Variants in ABCA12 observed in about 807,000 individuals in gnomAD.
ABCA12 encodes the protein ATP binding cassette subfamily A member 12, also known as glucosylceramide transporter ABCA12.
A neutral mutation model predicts 293.5 loss-of-function variants in ABCA12; 156 were observed. That is an observed-to-expected ratio of 0.53 (90% CI 0.47 to 0.61). The LOEUF (loss-of-function observed/expected upper bound fraction) is 0.61. Among genes scored for constraint, ABCA12 ranks in the 20% least tolerant of loss-of-function variants. The probability of loss-of-function intolerance (pLI) is 0.00; values close to 1 mark genes in which losing one functional copy is unlikely to be tolerated. For missense variants in ABCA12, 2,797 were observed against 3,090.2 expected (o/e 0.91, Z 2.25); for synonymous variants, 1,063 against 1,108.0 (o/e 0.96, Z 0.81).
chr2:214,987,391 G>A (rs1283185067), intron 27 of ABCA12, among the ~76,000 whole-genome samples: 1 of 152,078 alleles, frequency 6.6e-6, no homozygotes, highest in Non-Finnish European at 1.5e-5. Flanking sequence ...TTCTCTGTGT[G>A]AGTCTAACTG....
chr2:214,948,848 T>C, intron 46 of ABCA12, 111 bp from the exon 47 acceptor site: 3 of 1,326,748 alleles, frequency 2.3e-6, no homozygotes, highest in Non-Finnish European at 3.2e-6. Context: ...GTGACTTTGA[T>C]AAAAAGGGAT....
At chr2:215,126,257 T>C (rs1282150543) in intron 1 of ABCA12, among the ~76,000 whole-genome samples, 2 of 152,132 alleles carry the variant, frequency 1.3e-5, no homozygotes, top group East Asian at 3.8e-4. Flanking sequence ...TGTAGTTTTG[T>C]TTTTTGCTCT....
intron 1 of ABCA12, among the ~76,000 whole-genome samples, chr2:215,112,489 TTTTTTTTG>T (rs1235044511): frequency 5.3e-5 from 1 of 18,726 alleles, no homozygotes; most frequent in Admixed American, 9.4e-4. Flanking sequence ...TTTTTTTGTT[TTTTTTTTG>T]TTTTTTTTTG....
At chr2:215,055,246 T>C in intron 3 of ABCA12, among the ~76,000 whole-genome samples, 1 of 152,150 alleles carries the variant, frequency 6.6e-6, no homozygotes, top group African/African-American at 2.4e-5. Context: ...AATTTTCCAT[T>C]GCATTGAATG....
intron 20 of ABCA12, among the ~76,000 whole-genome samples, 181 bp from the exon 21 acceptor site, chr2:215,001,918 C>A (rs957541307): frequency 1.3e-5 from 2 of 152,080 alleles, no homozygotes; most frequent in Non-Finnish European, 1.5e-5. Context: ...TGCAAATATT[C>A]ATTGAGGAGC....
intron 2 of ABCA12, among the ~76,000 whole-genome samples, chr2:215,096,218 T>G (rs531902255): frequency 6.6e-6 from 1 of 152,336 alleles, no homozygotes; most frequent in South Asian, 2.1e-4. Context: ...TGCTATCTTA[T>G]TAGTTTTATT....
chr2:214,937,355 T>A (rs1263597865), intron 51 of ABCA12, among the ~76,000 whole-genome samples, 155 bp downstream of exon 51: 1 of 152,120 alleles, frequency 6.6e-6, no homozygotes, highest in Admixed American at 6.6e-5. Context: ...TGTGCCACCA[T>A]GCCCAGCTAA....
At position 215,034,754 on chromosome 2, in the gene ABCA12, C is replaced by T. The variant is rs1332157924; in HGVS notation, c.985+2199G>A. 2.6e-5 allele frequency among the ~76,000 whole-genome samples: 4 copies of T among 152,198 alleles called. No individual in the cohort carries two copies. The East Asian group carries it at 7.7e-4, about 29-fold the overall frequency. On this transcript the variant is annotated intron_variant, in intron 8 of 52. Coordinates refer to ENST00000272895, the MANE Select transcript of ABCA12 (RefSeq NM_173076.3). ...CTTTGTCTATAAAATGGGATAATAA[C>T]TGTATCTCACAGAGTTATTTAGATG...
At chr2:215,106,481 G>T (rs77490340) in intron 2 of ABCA12, among the ~76,000 whole-genome samples, 1 of 152,106 alleles carries the variant, frequency 6.6e-6, no homozygotes, top group Non-Finnish European at 1.5e-5. Context: ...CCATCTGTCC[G>T]CAGGTATCTT....
chr2:215,028,265 G>C (rs994218421), intron 9 of ABCA12, among the ~76,000 whole-genome samples: 3 of 152,058 alleles, frequency 2.0e-5, no homozygotes, highest in Non-Finnish European at 4.4e-5. Context: ...GAAGACTCAG[G>C]GTGTTTAAAT....
intron 47 of ABCA12, 165 bp from the exon 48 acceptor site, chr2:214,947,721 A>T (rs1698627102): frequency 1.2e-6 from 1 of 811,794 alleles, no homozygotes; most frequent in East Asian, 2.7e-5. Context: ...ATTTTCAAAG[A>T]ATCACTTAAG....
intron 7 of ABCA12, among the ~76,000 whole-genome samples, chr2:215,045,289 T>G (rs565945094): frequency 5.9e-4 from 90 of 152,290 alleles, no homozygotes; most frequent in African/African-American, 2.1e-3. Flanking sequence ...CTGCAAAGGT[T>G]TTAAAATCTT....
chr2:215,053,485 G>C (rs1701358992), intron 4 of ABCA12, among the ~76,000 whole-genome samples: 1 of 152,026 alleles, frequency 6.6e-6, no homozygotes, highest in African/African-American at 2.4e-5. Context: ...TGGCTACCAA[G>C]CAAAGCAAAG....
intron 1 of ABCA12, among the ~76,000 whole-genome samples, chr2:215,128,308 G>C (rs1216159989): frequency 6.6e-6 from 1 of 152,184 alleles, no homozygotes; most frequent in Non-Finnish European, 1.5e-5. Flanking sequence ...AATTTCCCAG[G>C]TGTTCTTTGT....
chr2:214,990,064 G>A (rs1352169250), intron 24 of ABCA12, among the ~76,000 whole-genome samples: 2 of 152,080 alleles, frequency 1.3e-5, no homozygotes, highest in Admixed American at 6.5e-5. Flanking sequence ...ATTGATAATT[G>A]CAACAAATTA....
chr2:215,073,633 A>T (rs945709356), intron 2 of ABCA12, among the ~76,000 whole-genome samples: 4 of 151,848 alleles, frequency 2.6e-5, no homozygotes, highest in African/African-American at 9.7e-5. Context: ...CCAGGAAAGG[A>T]GGGGTACCCT....
chr2:215,038,346 A>G (rs1032302074), intron 7 of ABCA12, among the ~76,000 whole-genome samples: 1 of 152,232 alleles, frequency 6.6e-6, no homozygotes, highest in African/African-American at 2.4e-5. Context: ...TTAGTTAATA[A>G]TAAGTACAGC....
intron 39 of ABCA12, chr2:214,961,796 G>A (rs928468612): frequency 6.6e-6 from 1 of 151,728 alleles, no homozygotes; most frequent in Non-Finnish European, 1.5e-5. Flanking sequence ...TTTCTTCTTG[G>A]TTTCTCCTGA....
chr2:215,028,384 G>A (rs73987780), intron 9 of ABCA12, among the ~76,000 whole-genome samples: 1,526 of 152,286 alleles, frequency 0.01, 21 homozygotes, highest in African/African-American at 0.031. Flanking sequence ...TCAGAGGGCT[G>A]ACTCATTTAA....
Sources: allele counts gnomAD v4.1 joint callset (sites outside exome capture counted in the v4.1 genomes callset), GRCh38; gene constraint gnomAD v4.1.1; transcripts MANE v1.5; gene names NCBI Gene and HGNC (gene_info 2026-07-23, HGNC 2026-07-21).